Variants in CEP89 observed in about 807,000 individuals in gnomAD.
CEP89 encodes centrosomal protein of 89 kDa.
CEP89 carries 95 observed loss-of-function variants against 97.6 expected under a neutral mutation model. The observed-to-expected ratio is 0.97, with a 90% confidence interval of 0.82 to 1.15. The LOEUF (loss-of-function observed/expected upper bound fraction) is 1.15, where lower values mean the gene tolerates loss of function less well. Among genes scored for constraint, CEP89 ranks in the 50% most tolerant of loss-of-function variants. CEP89 has a pLI of 0.00. For synonymous variants in CEP89, 354 were observed against 349.1 expected (o/e 1.01, Z -0.16); for missense variants, 869 against 947.7 (o/e 0.92, Z 1.09).
rs1353769739 is a variant in CEP89, at chr19:32,927,919, CTTTTTTTTTTTTTTT to C, written c.1030-950_1030-936del. Among the ~76,000 whole-genome samples the C allele has an allele frequency of 3.6e-3, 237 of 65,640 alleles. 4 individuals carry two copies. In the East Asian group the frequency reaches 0.044, roughly 12 times the overall value. 43.1% of individuals were successfully genotyped at this position (65,640 alleles called of 152,430 possible). On this transcript the variant is annotated intron_variant, in intron 9 of 18. Transcript: ENST00000305768. ...CACACTTGGCTTTTTTTTTTTTTTT[CTTTTTTTTTTTTTTT>C]TGAGACAGTCTCGCTCTGTCGCACA...
intron 16 of CEP89, among the ~76,000 whole-genome samples, chr19:32,898,293 T>C (rs1969684933): frequency 6.6e-6 from 1 of 152,090 alleles, no homozygotes; most frequent in South Asian, 2.1e-4. Context: ...AAGATAAATA[T>C]GGCATGTACT....
chr19:32,929,957 G>A (rs1317920432), intron 9 of CEP89, among the ~76,000 whole-genome samples: 4 of 151,942 alleles, frequency 2.6e-5, no homozygotes, highest in African/African-American at 9.7e-5. Flanking sequence ...CTGAGCTGGA[G>A]GAATTGGGCA....
In CEP89 at chr19:32,971,880, C is replaced by A; in HGVS notation, c.-6G>T. Reference sequence around the variant, plus strand: ...CTCCGAAATCCCAGGAGCATCCTTGCAGCGCGAGGAGAATGGACCGGGGCC... The same window carrying A: ...CTCCGAAATCCCAGGAGCATCCTTGAAGCGCGAGGAGAATGGACCGGGGCC... On this transcript the variant is annotated 5_prime_UTR_variant, in exon 1 of 19. Transcript: ENST00000305768. 2.5e-6 allele frequency: 4 copies of A among 1,587,236 alleles called. No homozygotes were observed. The highest frequency in any genetic ancestry group is 2.6e-6 in the Non-Finnish European group (3 of 1,165,420).
chr19:32,893,757 A>G (rs77856651), intron 16 of CEP89, among the ~76,000 whole-genome samples: 14,875 of 152,290 alleles, frequency 0.098, 918 homozygotes, highest in Middle Eastern at 0.17. Context: ...AAATTAAACA[A>G]CATGTTCCTT....
intron 5 of CEP89, 71 bp from the exon 6 acceptor site, chr19:32,939,956 A>G (rs1970655012): frequency 5.3e-6 from 4 of 748,646 alleles, no homozygotes; most frequent in Non-Finnish European, 6.8e-6. Flanking sequence ...AGAAAGTACA[A>G]TCATAGAAAT....
intron 16 of CEP89, among the ~76,000 whole-genome samples, 189 bp downstream of exon 16, chr19:32,899,667 TC>T (rs1475973863): frequency 1.3e-5 from 2 of 152,160 alleles, no homozygotes; most frequent in Non-Finnish European, 2.9e-5. Context: ...TGTAAGGAGT[TC>T]CTCAATTTAT....
chr19:32,896,476 G>A (rs1243926024), intron 16 of CEP89, among the ~76,000 whole-genome samples: 1 of 152,014 alleles, frequency 6.6e-6, no homozygotes, highest in African/African-American at 2.4e-5. Context: ...CACTCACAAT[G>A]GTTTAAAGAC....
intron 12 of CEP89, among the ~76,000 whole-genome samples, chr19:32,920,005 G>A (rs763028183): frequency 8.6e-5 from 13 of 151,934 alleles, no homozygotes; most frequent in Admixed American, 4.6e-4. Flanking sequence ...ATTTGTTCAC[G>A]CCTTCCTTCC....
At chr19:32,883,959 T>C (rs1005474135) in intron 17 of CEP89, among the ~76,000 whole-genome samples, 26 of 152,344 alleles carry the variant, frequency 1.7e-4, no homozygotes, top group African/African-American at 6.3e-4. Context: ...ATTTAGCGCA[T>C]AGATACTCAC....
At chr19:32,960,325 C>T (rs1350822163) in intron 2 of CEP89, among the ~76,000 whole-genome samples, 1 of 152,072 alleles carries the variant, frequency 6.6e-6, no homozygotes, top group Non-Finnish European at 1.5e-5. Context: ...AGAACAGGGC[C>T]TCTAATCCAG....
Position 32,953,630 on chromosome 19 carries a change from C to T in CEP89, c.477G>A (p.Val159=). ...RGGHSDDLYA[V]PHRNQVPLLH... ...TAGAAAACACCTGATTTCTGTGTGG[C>T]ACAGCGTACAGGTCATCACTGTGGC... The change falls in exon 4 of 19, where the codon GTG becomes GTA. Residue 159 remains valine (V), a synonymous_variant. Coordinates refer to ENST00000305768, the MANE Select transcript of CEP89 (RefSeq NM_032816.5). 1 of 1,607,632 alleles carries T rather than the reference C, an allele frequency of 6.2e-7. No individual in the cohort carries two copies. Among genetic ancestry groups the T allele is most frequent in the South Asian group, 1.1e-5 (1 of 90,488 alleles).
At position 32,923,534 on chromosome 19, in the gene CEP89, C is replaced by T. The variant is rs1970295382; in HGVS notation, c.1173G>A (p.Met391Ile). Reference protein sequence around the residue: ...DELNATLKEEMRMFRMRVQEV... With the variant: ...DELNATLKEEIRMFRMRVQEV... ...CTTGGACTCGCATCCTAAACATTCT[C>T]ATTTCCTCCTGAAATAAAATGTACG... Residue 391 changes from methionine to isoleucine, a missense_variant, in exon 12 of 19, where the codon ATG (methionine) becomes ATA (isoleucine). Met to Ile is a conservative substitution (Grantham distance 10). Transcript: ENST00000305768. 4 of 1,581,098 alleles carry T rather than the reference C, an allele frequency of 2.5e-6. No homozygotes were observed. The highest frequency in any genetic ancestry group is 3.5e-6 in the Non-Finnish European group (4 of 1,150,844).
intron 16 of CEP89, among the ~76,000 whole-genome samples, chr19:32,888,159 C>T (rs1380248708): frequency 2.0e-5 from 3 of 152,306 alleles, no homozygotes; most frequent in East Asian, 3.9e-4. Context: ...TTCCTTCAAT[C>T]GCATCCAAGG....
intron 17 of CEP89, among the ~76,000 whole-genome samples, chr19:32,885,270 C>T (rs1465438379): frequency 6.6e-6 from 1 of 152,222 alleles, no homozygotes. Flanking sequence ...TAAATATATT[C>T]TTCGCTCACT....
At chr19:32,953,426 T>C (rs1417550482) in intron 4 of CEP89, among the ~76,000 whole-genome samples, 189 bp downstream of exon 4, 4 of 151,850 alleles carry the variant, frequency 2.6e-5, no homozygotes. Flanking sequence ...TTTTGCAAGA[T>C]AAAGGAAAGA....
In CEP89 at chr19:32,918,596, G is replaced by C. The variant is rs1970179270; in HGVS notation, c.1269-257C>G. Among the ~76,000 whole-genome samples the C allele has an allele frequency of 1.3e-5, 2 of 152,198 alleles. 1 individual carries two copies. The highest frequency in any genetic ancestry group is 4.1e-4 in the South Asian group (2 of 4,834). ...AATTTCAAACATGTACAGAAGTAAAGAGGATAGAGTAGGAGACTCCTATGT... is the reference window on the plus strand; with the variant it reads ...AATTTCAAACATGTACAGAAGTAAACAGGATAGAGTAGGAGACTCCTATGT... On this transcript the variant is annotated intron_variant, in intron 12 of 18. Transcript: ENST00000305768.
At chr19:32,916,106 A>G (rs1214713930) in intron 13 of CEP89, among the ~76,000 whole-genome samples, 1 of 151,596 alleles carries the variant, frequency 6.6e-6, no homozygotes, top group Non-Finnish European at 1.5e-5. Context: ...GTGAGACCCC[A>G]TCTCTACATA....
At chr19:32,917,752 C>T in intron 13 of CEP89, 1 of 978,202 alleles carries the variant, frequency 1.0e-6, no homozygotes, top group Non-Finnish European at 1.2e-6. Context: ...GAGGGACACT[C>T]TCGGAAGGTG....
intron 3 of CEP89, among the ~76,000 whole-genome samples, chr19:32,957,596 G>C (rs1971075565): frequency 6.6e-6 from 1 of 152,132 alleles, no homozygotes; most frequent in Non-Finnish European, 1.5e-5. Context: ...GATGGCTTGA[G>C]GCCAGGAGTT....
Sources: allele counts gnomAD v4.1 joint callset (sites outside exome capture counted in the v4.1 genomes callset), GRCh38; gene constraint gnomAD v4.1.1; transcripts MANE v1.5; gene names NCBI Gene and HGNC (gene_info 2026-07-23, HGNC 2026-07-21).